SLC6A12: variants seen among roughly 807,000 people sequenced by gnomAD.
SLC6A12 encodes the protein sodium- and chloride-dependent betaine transporter.
SLC6A12 carries 50 observed loss-of-function variants against 73.3 expected under a neutral mutation model. The observed-to-expected ratio is 0.68, with a 90% CI of 0.54 to 0.86. SLC6A12 has a LOEUF of 0.86. Ranked by LOEUF, SLC6A12 falls within the 40% of genes least tolerant of loss-of-function variation. The pLI, the probability that SLC6A12 is intolerant of heterozygous loss-of-function variation, is 0.00. For missense variants in SLC6A12, 648 were observed against 772.8 expected (o/e 0.84, Z 1.92); for synonymous variants, 304 against 309.2 (o/e 0.98, Z 0.18).
rs201951682 is a variant in SLC6A12 at position 191,173 on chromosome 12, T to C, written c.1740A>G (p.Pro580=). ...RQLITPDSSL[P]QPKQHPCLDG... ...CCAAGCAGGGATGTTGCTTGGGCTG[T>C]GGCAGACTGGAGTCAGGGGTGATGA... Residue 580 remains proline, a synonymous_variant, in exon 16 of 16, where the codon CCA becomes CCG. Transcript: ENST00000684302. 1.8e-4 allele frequency: 239 copies of C among 1,294,018 alleles called. 3 individuals carry two copies. The East Asian group carries it at 3.9e-3, about 21-fold the overall frequency. 80.2% of individuals were successfully genotyped at this position (1,294,018 alleles called of 1,614,324 possible).
intron 3 of SLC6A12, 78 bp from the exon 4 acceptor site, chr12:204,776 CA>C (rs1940541404): frequency 6.6e-7 from 1 of 1,522,372 alleles, no homozygotes; most frequent in Admixed American, 1.9e-5. Context: ...CCTCCTCCCC[CA>C]ACAAACCCGC....
chr12:200,071 T>G (rs1394579473), intron 7 of SLC6A12, among the ~76,000 whole-genome samples: 1 of 150,604 alleles, frequency 6.6e-6, no homozygotes, highest in African/African-American at 2.4e-5. Flanking sequence ...GCTCCAACAA[T>G]GAGATTTTTC....
Position 197,896 on chromosome 12 carries a change from T to C in SLC6A12, c.950+4A>G. 1 of 1,441,970 alleles carries C rather than the reference T, an allele frequency of 6.9e-7. No homozygotes were observed. The highest frequency in any genetic ancestry group is 9.7e-7 in the Non-Finnish European group (1 of 1,034,666). 89.3% of individuals were successfully genotyped at this position (1,441,970 alleles called of 1,614,324 possible). On this transcript the variant is annotated splice_donor_region_variant and intron_variant, in intron 9 of 15. Coordinates refer to ENST00000684302, the MANE Select transcript of SLC6A12 (RefSeq NM_001122848.3). The stretch of plus-strand genomic sequence containing the variant: ...CACCCCACCCCGGCCCACGCTGTTC[T>C]CACTTGTAGCAGTTGTTGTGATACT...
intron 13 of SLC6A12, 25 bp downstream of exon 13, chr12:195,200 T>TTC: frequency 6.9e-7 from 1 of 1,456,960 alleles, no homozygotes; most frequent in Non-Finnish European, 9.6e-7. Flanking sequence ...CACCCTGCTT[T>TTC]CCCACCCCAC....
At chr12:185,120 A>G (rs76061481), downstream of SLC6A12, among the ~76,000 whole-genome samples, 195 of 152,312 alleles carry the variant, frequency 1.3e-3, 1 homozygote, top group African/African-American at 4.5e-3. Flanking sequence ...TGTCTATGTA[A>G]AACACCCTAA....
chr12:190,763 C>T lies in SLC6A12; in HGVS notation c.*305G>A, dbSNP rs181861939. On this transcript the variant is annotated 3_prime_UTR_variant, in exon 16 of 16. Transcript: ENST00000684302. ...TCCCCACAGTGGAATCCTCATAACTCGAGGTGTTGCAATCAGATGGCGGCC... is the reference window on the plus strand; with the variant it reads ...TCCCCACAGTGGAATCCTCATAACTTGAGGTGTTGCAATCAGATGGCGGCC... 63 of 222,218 alleles carry T rather than the reference C, an allele frequency of 2.8e-4. No individual in the cohort carries two copies. Among genetic ancestry groups the T allele is most frequent in the African/African-American group, 1.3e-3 (58 of 44,172 alleles). The allele number at this position is 222,218 out of a possible 1,614,324, so 13.8% of individuals were successfully genotyped here.
At chr12:186,762 T>TA (rs1394615164), downstream of SLC6A12, among the ~76,000 whole-genome samples, 1 of 152,214 alleles carries the variant, frequency 6.6e-6, no homozygotes, top group Non-Finnish European at 1.5e-5. Context: ...GCTCTGAAAT[T>TA]AGAGGTATCC....
intron 12 of SLC6A12, 147 bp from the exon 13 acceptor site, chr12:195,474 G>C: frequency 3.2e-6 from 2 of 625,904 alleles, no homozygotes; most frequent in South Asian, 3.9e-5. Flanking sequence ...AGTTTGCCCT[G>C]TCTGCCCCTG....
At position 213,590 on chromosome 12, in the gene SLC6A12, G is replaced by A. The variant is rs1013872595; in HGVS notation, c.-143+332C>T. The A allele has an allele frequency of 5.2e-5, 8 of 153,096 alleles. No individual in the cohort carries two copies. The highest frequency in any genetic ancestry group is 1.9e-4 in the African/African-American group (8 of 41,582). 9.5% of individuals were successfully genotyped at this position (153,096 alleles called of 1,614,324 possible). On this transcript the variant is annotated intron_variant, in intron 1 of 15. Coordinates refer to ENST00000684302, the MANE Select transcript of SLC6A12 (RefSeq NM_001122848.3). This position sits in a 1 kb window ranked among gnomAD's most constrained non-coding sequence, Gnocchi z 5.3. The stretch of plus-strand genomic sequence containing the variant: ...TGTCCACTTCTCCTTCCACCTTGCT[G>A]GGCACCACCTGCTTCCCCTCCCCTC...
At chr12:207,826 G>A (rs568853226) in intron 3 of SLC6A12, among the ~76,000 whole-genome samples, 4 of 152,222 alleles carry the variant, frequency 2.6e-5, no homozygotes, top group African/African-American at 7.2e-5. Context: ...ACCTCATTTG[G>A]CCCCCTCATG....
chr12:205,143 G>C (rs1389293677), intron 3 of SLC6A12: 3 of 177,878 alleles, frequency 1.7e-5, no homozygotes, highest in African/African-American at 7.2e-5. Flanking sequence ...CAGGGTGTTT[G>C]TTGCCTCCAC....
chr12:197,716 A>G (rs1250398689), intron 9 of SLC6A12, among the ~76,000 whole-genome samples, 184 bp downstream of exon 9: 1 of 152,048 alleles, frequency 6.6e-6, no homozygotes, highest in African/African-American at 2.4e-5. Flanking sequence ...GACAACAAAG[A>G]GAGAAGTGAG....
chr12:196,574 A>C (rs1939878468), intron 11 of SLC6A12, among the ~76,000 whole-genome samples, 196 bp downstream of exon 11: 1 of 152,172 alleles, frequency 6.6e-6, no homozygotes, highest in African/African-American at 2.4e-5. Context: ...CAAGGCTGGG[A>C]GCACAAAGCC....
chr12:204,860 A>C (rs1237401266), intron 3 of SLC6A12, 162 bp from the exon 4 acceptor site: 1 of 691,022 alleles, frequency 1.4e-6, no homozygotes, highest in Non-Finnish European at 2.5e-6. Flanking sequence ...TGCAGTCCTG[A>C]GTGTTAGGCA....
chr12:201,435 A>C, intron 6 of SLC6A12: 1 of 290,338 alleles, frequency 3.4e-6, no homozygotes, highest in Non-Finnish European at 6.6e-6. Flanking sequence ...TGGCAGTGGG[A>C]AGAGACATGC....
At chr12:208,894 A>C (rs1020789168) in intron 3 of SLC6A12, among the ~76,000 whole-genome samples, 2 of 151,874 alleles carry the variant, frequency 1.3e-5, no homozygotes, top group African/African-American at 4.8e-5. Flanking sequence ...TAATAAAATC[A>C]TGTTTCTCTA....
Position 203,469 on chromosome 12 carries a change from A to C in SLC6A12, c.350-589T>G, listed in dbSNP as rs1940416896. 3 of 152,086 alleles carry C rather than the reference A, an allele frequency of 2.0e-5. No individual in the cohort carries two copies. In the South Asian group the frequency reaches 6.2e-4, roughly 31 times the overall value. The allele number at this position is 152,086 out of a possible 1,614,324, so 9.4% of individuals were successfully genotyped here. A position where few individuals can be genotyped will look rare whatever the true frequency, so the allele number is the denominator to read the frequency against. Reference sequence around the variant, plus strand: ...AAGGACGGGTTCCACCGCGGTCTCCACCGCGCAGCGGCGTTGGGGCGGCCC... The same window carrying C: ...AAGGACGGGTTCCACCGCGGTCTCCCCCGCGCAGCGGCGTTGGGGCGGCCC... On this transcript the variant is annotated intron_variant, in intron 4 of 15. Coordinates refer to ENST00000684302, the MANE Select transcript of SLC6A12 (RefSeq NM_001122848.3).
In SLC6A12 at chr12:213,434, G is replaced by A. The variant is rs1940987892; in HGVS notation, c.-143+488C>T. ...CATAGCATCCACCGCCCAAAGCCAA[G>A]ACAGCTTCCTCCTGGGAGGCGCCTG... is the stretch of plus-strand genomic sequence containing the variant. On this transcript the variant is annotated intron_variant, in intron 1 of 15. Coordinates refer to ENST00000684302, the MANE Select transcript of SLC6A12 (RefSeq NM_001122848.3). This position sits in a 1 kb window ranked among gnomAD's most constrained non-coding sequence, Gnocchi z 5.3. 1 of 152,544 alleles carries A rather than the reference G, an allele frequency of 6.6e-6. No individual in the cohort carries two copies. Among genetic ancestry groups the A allele is most frequent in the Non-Finnish European group, 1.5e-5 (1 of 68,192 alleles). The allele number at this position is 152,544 out of a possible 1,614,324, so 9.4% of individuals were successfully genotyped here. A position where few individuals can be genotyped will look rare whatever the true frequency, so the allele number is the denominator to read the frequency against.
intron 4 of SLC6A12, 141 bp downstream of exon 4, chr12:204,423 T>C (rs545350191): frequency 2.4e-6 from 2 of 846,406 alleles, no homozygotes; most frequent in South Asian, 3.2e-5. Flanking sequence ...GGCCCACCCA[T>C]GAAGCCTGAT....
Sources: allele counts gnomAD v4.1 joint callset (sites outside exome capture counted in the v4.1 genomes callset), GRCh38; gene constraint gnomAD v4.1.1; non-coding constraint Gnocchi (gnomAD v3.1); transcripts MANE v1.5; gene names NCBI Gene and HGNC (gene_info 2026-07-23, HGNC 2026-07-21).